The following MFHAS1 variants were observed in gnomAD, a reference collection of about 807,000 sequenced individuals.
MFHAS1 encodes malignant fibrous histiocytoma-amplified sequence 1.
In MFHAS1, 50 loss-of-function variants were observed where a neutral mutation model predicts 70.4. The ratio of observed to expected loss-of-function variants is 0.71; its 90% confidence interval spans 0.57 to 0.90. The LOEUF is 0.90. Among genes scored for constraint, MFHAS1 ranks in the 40% least tolerant of loss-of-function variants. MFHAS1 has a pLI of 0.00. For missense variants in MFHAS1, 1,795 were observed against 1,347.6 expected, an observed-to-expected ratio of 1.33 and a Z score of -5.20; for synonymous variants, 952 against 620.0, an observed-to-expected ratio of 1.54 and a Z score of -7.96.
At chr8:8,820,114 A>C (rs936118594) in intron 1 of MFHAS1, among the ~76,000 whole-genome samples, 2 of 152,186 alleles carry the variant, frequency 1.3e-5, no homozygotes, top group Non-Finnish European at 2.9e-5. Context: ...TCTTTCTCTA[A>C]ATTTATTTAA....
At chr8:8,883,473 C>T in intron 1 of MFHAS1, among the ~76,000 whole-genome samples, 1 of 150,844 alleles carries the variant, frequency 6.6e-6, no homozygotes, top group Non-Finnish European at 1.5e-5. Flanking sequence ...TTTGGGCAGC[C>T]AAGGTGGGTG....
chr8:8,867,314 C>T (rs919914256), intron 1 of MFHAS1, among the ~76,000 whole-genome samples: 33 of 152,266 alleles, frequency 2.2e-4, no homozygotes, highest in African/African-American at 7.9e-4. Context: ...AATATACCCT[C>T]ACATTTTTGA....
intron 1 of MFHAS1, among the ~76,000 whole-genome samples, chr8:8,838,216 T>G (rs565086307): frequency 6.6e-6 from 1 of 152,154 alleles, no homozygotes; most frequent in South Asian, 2.1e-4. Context: ...TAATCTATAG[T>G]GACAAAAAGC....
intron 1 of MFHAS1, among the ~76,000 whole-genome samples, chr8:8,850,489 G>A: frequency 6.6e-6 from 1 of 152,186 alleles, no homozygotes; most frequent in East Asian, 1.9e-4. Flanking sequence ...AAGATTAGGA[G>A]ATAGAACCAG....
chr8:8,888,451 T>C (rs922410335), intron 1 of MFHAS1, among the ~76,000 whole-genome samples: 1 of 152,038 alleles, frequency 6.6e-6, no homozygotes, highest in Non-Finnish European at 1.5e-5. Context: ...TATTGTTCTG[T>C]CTGGTTTGTG....
chr8:8,878,557 T>C (rs893509773), intron 1 of MFHAS1, among the ~76,000 whole-genome samples: 3 of 152,032 alleles, frequency 2.0e-5, no homozygotes, highest in African/African-American at 7.2e-5. Flanking sequence ...AAGAATCATA[T>C]TAAAACAATA....
At position 8,846,255 on chromosome 8, in the gene MFHAS1, A is replaced by G. The variant is rs1299404134; in HGVS notation, c.2998+43806T>C. ...GCGACAGAGCGAGACTCTGTCTCCA[A>G]AAAAAAGGGGGGGGGGGAAGGAGGA... On this transcript the variant is annotated intron_variant, in intron 1 of 2. Coordinates refer to ENST00000276282, the MANE Select transcript of MFHAS1 (RefSeq NM_004225.3). 5.3e-4 allele frequency among the ~76,000 whole-genome samples: 29 copies of G among 54,848 alleles called. 1 individual carries two copies. The East Asian group carries it at 0.037, about 70-fold the overall frequency. 36.0% of individuals were successfully genotyped at this position (54,848 alleles called of 152,430 possible). A position where few individuals can be genotyped will look rare whatever the true frequency, so the allele number is the denominator to read the frequency against.
rs201828693 is a variant in MFHAS1 at position 8,890,476 on chromosome 8, T to G, written c.2583A>C (p.Ala861=). 1 of 1,613,950 alleles carries G rather than the reference T, an allele frequency of 6.2e-7. No individual in the cohort carries two copies. Among genetic ancestry groups the G allele is most frequent in the East Asian group, 2.2e-5 (1 of 44,884 alleles). The stretch of plus-strand genomic sequence containing the variant: ...GGTTGGTCCCATTAATCCAGGCTTC[T>G]GCATGGGGCACCTCGTTCTGCACAT... ...PCYVQNEVPH[A]EAWINGTNLA... Residue 861 remains alanine, a synonymous_variant, in exon 1 of 3, where the codon GCA becomes GCC. Transcript: ENST00000276282.
intron 1 of MFHAS1, among the ~76,000 whole-genome samples, chr8:8,798,045 C>G (rs975105573): frequency 1.4e-4 from 21 of 152,348 alleles, no homozygotes; most frequent in Admixed American, 4.6e-4. Flanking sequence ...ATGTGTGAAG[C>G]AGATGCACGA....
At chr8:8,845,474 G>A (rs551222338) in intron 1 of MFHAS1, among the ~76,000 whole-genome samples, 50 of 152,250 alleles carry the variant, frequency 3.3e-4, no homozygotes, top group African/African-American at 1.2e-3. Context: ...ATTATGAGTG[G>A]CATCTGTGAG....
Position 8,832,046 on chromosome 8 carries a change from G to GCA in MFHAS1, c.2999-34557_2999-34556dup, listed in dbSNP as rs1439649578. ...TCAATCCTTACTTCAAGGCGCACAT[G>GCA]CACGCGCGCGCGCGCGCACACACAC... On this transcript the variant is annotated intron_variant, in intron 1 of 2. Coordinates refer to ENST00000276282, the MANE Select transcript of MFHAS1 (RefSeq NM_004225.3). Among the ~76,000 whole-genome samples the GCA allele has an allele frequency of 1.9e-4, 9 of 48,236 alleles. 1 individual carries two copies. In the South Asian group the frequency reaches 6.1e-3, roughly 33 times the overall value. 31.6% of individuals were successfully genotyped at this position (48,236 alleles called of 152,430 possible).
chr8:8,792,972 AG>A (rs1805769276), intron 2 of MFHAS1, among the ~76,000 whole-genome samples: 1 of 152,240 alleles, frequency 6.6e-6, no homozygotes, highest in South Asian at 2.1e-4. Flanking sequence ...AGATATTCAA[AG>A]CATGGAAATG....
chr8:8,838,010 C>G (rs917877655), intron 1 of MFHAS1, among the ~76,000 whole-genome samples: 20 of 152,184 alleles, frequency 1.3e-4, no homozygotes, highest in Non-Finnish European at 7.4e-5. Context: ...TTTATAATCA[C>G]CCCAAACTGG....
rs1388847969 is a variant in MFHAS1 at position 8,893,159 on chromosome 8, C to T, written c.-101G>A. On this transcript the variant is annotated 5_prime_UTR_variant, in exon 1 of 3. Transcript: ENST00000276282. ...CCGGCTCCTGCCCCTGCCTGCCCTC[C>T]CGCGCTCGGCGGCCGGCGGCCGCGG... 5 of 751,798 alleles carry T rather than the reference C, an allele frequency of 6.7e-6. No homozygotes were observed. The highest frequency in any genetic ancestry group is 1.9e-5 in the African/African-American group (1 of 53,754). 46.6% of individuals were successfully genotyped at this position (751,798 alleles called of 1,614,324 possible).
intron 1 of MFHAS1, among the ~76,000 whole-genome samples, chr8:8,830,897 A>C (rs1807361652): frequency 6.6e-6 from 1 of 152,138 alleles, no homozygotes; most frequent in Non-Finnish European, 1.5e-5. Context: ...GTGCCCAGCC[A>C]ATATTCTCAG....
intron 1 of MFHAS1, among the ~76,000 whole-genome samples, chr8:8,871,582 A>T (rs1257369145): frequency 6.6e-6 from 1 of 152,194 alleles, no homozygotes; most frequent in Non-Finnish European, 1.5e-5. Flanking sequence ...GGGACTTGAC[A>T]TCTATTCATT....
chr8:8,829,185 G>A (rs1807275758), intron 1 of MFHAS1, among the ~76,000 whole-genome samples: 1 of 151,820 alleles, frequency 6.6e-6, no homozygotes, highest in Admixed American at 6.6e-5. Flanking sequence ...TCTTCTCTGG[G>A]TGCGGAGCGC....
intron 1 of MFHAS1, among the ~76,000 whole-genome samples, chr8:8,876,532 C>G (rs536410537): frequency 1.3e-5 from 2 of 151,984 alleles, no homozygotes; most frequent in South Asian, 2.1e-4. Context: ...GTCAGCAGTT[C>G]GAGACCAGTG....
Position 8,893,309 on chromosome 8 carries a change from C to T in MFHAS1, c.-251G>A, listed in dbSNP as rs1340358562. On this transcript the variant is annotated 5_prime_UTR_variant, in exon 1 of 3. Coordinates refer to ENST00000276282, the MANE Select transcript of MFHAS1 (RefSeq NM_004225.3). ...TCCCTGCGGCCGGGCCATGGGCGCG[C>T]CGGGCAGCAGGGCCGCCGCCCGCGC... 6.7e-6 allele frequency: 1 copy of T among 148,844 alleles called. No individual in the cohort carries two copies. Among genetic ancestry groups the T allele is most frequent in the Non-Finnish European group, 1.5e-5 (1 of 67,650 alleles). 9.2% of individuals were successfully genotyped at this position (148,844 alleles called of 1,614,324 possible). A position where few individuals can be genotyped will look rare whatever the true frequency, so the allele number is the denominator to read the frequency against.
Sources: gnomAD v4.1 joint callset for allele counts (sites outside exome capture counted in the v4.1 genomes callset) on GRCh38, gnomAD v4.1.1 for gene constraint, MANE v1.5 for transcripts, NCBI Gene and HGNC (gene_info 2026-07-23, HGNC 2026-07-21) for gene names.